Variants in ANKMY1 observed in about 807,000 individuals in gnomAD.
ANKMY1 encodes ankyrin repeat and MYND domain containing 1.
Under a neutral mutation model 102.0 loss-of-function variants are expected in ANKMY1, and 98 were observed. That is an observed-to-expected ratio of 0.96 (90% CI 0.82 to 1.14). The LOEUF is 1.14. Ranked by LOEUF, ANKMY1 falls within the 50% of genes most tolerant of loss-of-function variation. The pLI, the probability that ANKMY1 is intolerant of heterozygous loss-of-function variation, is 0.00. For missense variants in ANKMY1, 1,330 were observed against 1,347.6 expected (o/e 0.99, Z 0.20); for synonymous variants, 582 against 559.9 (o/e 1.04, Z -0.56).
At chr2:240,526,603 G>C (rs7593034) in intron 5 of ANKMY1, 158 bp from the exon 6 acceptor site, 995,034 of 1,461,526 alleles carry the variant, frequency 0.68, 340,942 homozygotes, top group South Asian at 0.83. Flanking sequence ...AGCTGCACCC[G>C]CAGCTGCTCA....
intron 4 of ANKMY1, among the ~76,000 whole-genome samples, chr2:240,544,203 A>T (rs2089734386): frequency 6.6e-6 from 1 of 152,162 alleles, no homozygotes; most frequent in Admixed American, 6.6e-5. Context: ...AAAAATAATA[A>T]TTTTTCATGA....
At chr2:240,542,720 C>CTATA (rs71404655) in intron 4 of ANKMY1, among the ~76,000 whole-genome samples, 1,871 of 144,836 alleles carry the variant, frequency 0.013, 20 homozygotes, top group East Asian at 0.028. Flanking sequence ...ATGTTTATAT[C>CTATA]TATATATATA....
At chr2:240,526,898 C>T (rs1482542635) in intron 5 of ANKMY1, 3 of 1,135,428 alleles carry the variant, frequency 2.6e-6, no homozygotes, top group Admixed American at 4.6e-5. Context: ...GCTTACTCAT[C>T]ACACAACACT....
Position 240,525,679 on chromosome 2 carries a change from G to C in ANKMY1, c.1335+6C>G, listed in dbSNP as rs532546618. On this transcript the variant is annotated splice_donor_region_variant and intron_variant, in intron 7 of 17. Transcript: ENST00000401804. ...TTGGTGGTGCAGTGGCCACCGGGGG[G>C]CTTACCTGGGGCTCAGGTATGGTCC... The C allele has an allele frequency of 1.2e-6, 2 of 1,613,400 alleles. No individual in the cohort carries two copies. Among genetic ancestry groups the C allele is most frequent in the African/African-American group, 2.7e-5 (2 of 74,906 alleles).
At position 240,499,913 on chromosome 2, in the gene ANKMY1, G is replaced by A. The variant is rs749049948; in HGVS notation, c.2806+45C>T. On this transcript the variant is annotated intron_variant, in intron 15 of 17. Coordinates refer to ENST00000401804, the MANE Select transcript of ANKMY1 (RefSeq NM_001282771.3). This position sits in a 1 kb window ranked among gnomAD's most constrained non-coding sequence, Gnocchi z 4.2. ...GATAACAGCCCCAGGCACGAGGCCG[G>A]AACGCCGCCCTGTGGAGCAGAGCAG... 34 of 1,562,182 alleles carry A rather than the reference G, an allele frequency of 2.2e-5. No homozygotes were observed. In the South Asian group the frequency reaches 4.0e-4, roughly 18 times the overall value.
At position 240,552,898 on chromosome 2, in the gene ANKMY1, A is replaced by G. The variant is rs1421371679; in HGVS notation, c.480+16T>C. On this transcript the variant is annotated intron_variant, in intron 4 of 17. Transcript: ENST00000401804. Reference sequence around the variant, plus strand: ...AGCCACTTCGACCCCAGCTGAACACATGGCAGCCCCCTCACCTGGAAAAGC... The same window carrying G: ...AGCCACTTCGACCCCAGCTGAACACGTGGCAGCCCCCTCACCTGGAAAAGC... The G allele has an allele frequency of 1.2e-6, 2 of 1,613,140 alleles. No individual in the cohort carries two copies. Among genetic ancestry groups the G allele is most frequent in the Non-Finnish European group, 8.5e-7 (1 of 1,179,964 alleles).
chr2:240,529,475 C>T lies in ANKMY1; in HGVS notation c.515G>A (p.Gly172Asp), dbSNP rs1025855426. Reference sequence around the variant, plus strand: ...GCTGCCATCGGGGTAGGTCTCGACACCTGGCCCAAACCGCTGGTCCGCTTT... The same window carrying T: ...GCTGCCATCGGGGTAGGTCTCGACATCTGGCCCAAACCGCTGGTCCGCTTT... Reference protein sequence around the residue: ...LYKADQRFGPGVETYPDGSQD... With the variant: ...LYKADQRFGPDVETYPDGSQD... The change falls in exon 5 of 18, where the codon GGT (glycine) becomes GAT (aspartate). Residue 172 changes from glycine (G) to aspartate (D), a missense_variant. By Grantham distance (94) the Gly-to-Asp change is moderately conservative. Transcript: ENST00000401804. This position sits in a 1 kb window ranked among gnomAD's most constrained non-coding sequence, Gnocchi z 4.2. 1.6e-5 allele frequency: 26 copies of T among 1,613,692 alleles called. No individual in the cohort carries two copies. Among genetic ancestry groups the T allele is most frequent in the Admixed American group, 1.3e-4 (8 of 59,994 alleles).
At chr2:240,554,338 GGAAA>G (rs2092019343) in intron 3 of ANKMY1, 1 of 153,230 alleles carries the variant, frequency 6.5e-6, no homozygotes, top group Non-Finnish European at 1.5e-5. Context: ...TCGTGGAGAT[GGAAA>G]GAGAGAGGAC....
chr2:240,481,150 A>C, intron 16 of ANKMY1, 53 bp from the exon 17 acceptor site: 2 of 1,575,930 alleles, frequency 1.3e-6, no homozygotes, highest in Non-Finnish European at 1.7e-6. Context: ...CTGCTTCCCC[A>C]CAAACAGCCG....
the ANKMY1 span, among the ~76,000 whole-genome samples, chr2:240,470,043 C>T: frequency 3.9e-4 from 60 of 152,348 alleles, no homozygotes; most frequent in African/African-American, 1.3e-3. Flanking sequence ...ACAGTATACA[C>T]GCATGCACTC....
At chr2:240,485,376 G>A (rs1186330546) in intron 15 of ANKMY1, among the ~76,000 whole-genome samples, 9 of 152,114 alleles carry the variant, frequency 5.9e-5, no homozygotes, top group Non-Finnish European at 1.0e-4. Context: ...ACAGATGCTG[G>A]AGAGGATGTG....
At chr2:240,507,337 C>T (rs2079250371) in intron 13 of ANKMY1, among the ~76,000 whole-genome samples, 1 of 150,902 alleles carries the variant, frequency 6.6e-6, no homozygotes, top group African/African-American at 2.4e-5. Context: ...CTCCTCCCTC[C>T]CCTCACCCAG....
chr2:240,516,212 C>T (rs1382677331), intron 9 of ANKMY1, among the ~76,000 whole-genome samples: 1 of 151,114 alleles, frequency 6.6e-6, no homozygotes, highest in Non-Finnish European at 1.5e-5. Flanking sequence ...GTATAGTGAC[C>T]TGTGAACCTG....
In ANKMY1 at chr2:240,479,595, G is replaced by A. The variant is rs1369127269; in HGVS notation, c.*14C>T. 2 of 1,613,868 alleles carry A rather than the reference G, an allele frequency of 1.2e-6. No homozygotes were observed. Among genetic ancestry groups the A allele is most frequent in the Non-Finnish European group, 8.5e-7 (1 of 1,179,950 alleles). On this transcript the variant is annotated 3_prime_UTR_variant, in exon 18 of 18. Transcript: ENST00000401804. ...CCTGGGTCCTCCCCAAGCCTCGGAC[G>A]TGCAGCTGCTGCTTCACTGGAATTC...
chr2:240,555,155 A>C, intron 2 of ANKMY1, 100 bp from the exon 3 acceptor site: 16 of 1,287,424 alleles, frequency 1.2e-5, no homozygotes, highest in East Asian at 2.4e-5. Context: ...ATCTCATTTC[A>C]TCCCACAGTC....
intron 8 of ANKMY1, among the ~76,000 whole-genome samples, chr2:240,521,382 C>G (rs1483054731): frequency 6.6e-6 from 1 of 151,816 alleles, no homozygotes; most frequent in Admixed American, 6.6e-5. Flanking sequence ...CTGCCGCTAC[C>G]ATGTAAAGCT....
At chr2:240,536,033 C>T (rs1314801779) in intron 4 of ANKMY1, among the ~76,000 whole-genome samples, 3 of 152,124 alleles carry the variant, frequency 2.0e-5, no homozygotes, top group African/African-American at 7.2e-5. Flanking sequence ...ACAAGGCACA[C>T]AAGAATGCAG....
chr2:240,519,986 C>A, intron 9 of ANKMY1: 1 of 452,742 alleles, frequency 2.2e-6, no homozygotes, highest in Non-Finnish European at 4.6e-6. Context: ...AAACCCTTTG[C>A]CTCTCCTGCC....
Position 240,557,958 on chromosome 2 carries a change from C to A in ANKMY1, c.-95G>T. 2 of 985,684 alleles carry A rather than the reference C, an allele frequency of 2.0e-6. No homozygotes were observed. Among genetic ancestry groups the A allele is most frequent in the South Asian group, 9.4e-5 (2 of 21,306 alleles). The allele number at this position is 985,684 out of a possible 1,614,324, so 61.1% of individuals were successfully genotyped here. A position where few individuals can be genotyped will look rare whatever the true frequency, so the allele number is the denominator to read the frequency against. ...CAGCCACCGCGGACGCCCGCGCTCC[C>A]GTCCCGACTGCTTGCCAGCCCTGCG... is the stretch of plus-strand genomic sequence containing the variant. On this transcript the variant is annotated 5_prime_UTR_variant, in exon 1 of 18. Coordinates refer to ENST00000401804, the MANE Select transcript of ANKMY1 (RefSeq NM_001282771.3).
Sources: allele counts gnomAD v4.1 joint callset (sites outside exome capture counted in the v4.1 genomes callset), GRCh38; gene constraint gnomAD v4.1.1; non-coding constraint Gnocchi (gnomAD v3.1); transcripts MANE v1.5; gene names NCBI Gene and HGNC (gene_info 2026-07-23, HGNC 2026-07-21).